The following STXBP6 variants were observed in gnomAD, a reference collection of about 807,000 sequenced individuals.
STXBP6 encodes the protein syntaxin binding protein 6.
In STXBP6, 21 loss-of-function variants were observed where a neutral mutation model predicts 26.9. That is an observed-to-expected ratio of 0.78 (90% confidence interval 0.55 to 1.12). The LOEUF (loss-of-function observed/expected upper bound fraction) is 1.12, where lower values mean the gene tolerates loss of function less well. STXBP6 is among the 50% of genes most tolerant of loss of function. The pLI is 0.00. For synonymous variants in STXBP6, 97 were observed against 92.6 expected (o/e 1.05, Z -0.27); for missense variants, 232 against 257.9 (o/e 0.90, Z 0.69).
At chr14:24,851,637 A>G (rs947456996) in intron 4 of STXBP6, among the ~76,000 whole-genome samples, 2 of 152,120 alleles carry the variant, frequency 1.3e-5, no homozygotes, top group Non-Finnish European at 2.9e-5. Context: ...TCACACGTAT[A>G]ACAGTATAAC....
chr14:24,857,293 T>A, intron 2 of STXBP6, 136 bp from the exon 3 acceptor site: 1 of 1,102,418 alleles, frequency 9.1e-7, no homozygotes, highest in Non-Finnish European at 1.3e-6. Context: ...AAGGAGGGAA[T>A]ATGAATAAAT....
intron 2 of STXBP6, among the ~76,000 whole-genome samples, chr14:24,869,335 A>C (rs1011193024): frequency 6.6e-6 from 1 of 152,218 alleles, no homozygotes; most frequent in Non-Finnish European, 1.5e-5. Context: ...TCTCATAAAG[A>C]AAGCCAGCAT....
At chr14:24,835,489 G>C (rs1486306712) in intron 4 of STXBP6, among the ~76,000 whole-genome samples, 1 of 152,150 alleles carries the variant, frequency 6.6e-6, no homozygotes, top group Admixed American at 6.5e-5. Context: ...ATGAGGGTGA[G>C]AGGGGTGGAA....
At chr14:24,987,793 T>C in intron 1 of STXBP6, 1 of 970,694 alleles carries the variant, frequency 1.0e-6, no homozygotes, top group South Asian at 4.8e-5. Context: ...CCAAGGGAGA[T>C]GCAGAGTGGT....
intron 1 of STXBP6, among the ~76,000 whole-genome samples, chr14:25,041,158 T>C (rs897198353): frequency 2.0e-5 from 3 of 151,814 alleles, no homozygotes; most frequent in African/African-American, 7.3e-5. Flanking sequence ...CAGTCTCTAC[T>C]AAAAATACAA....
chr14:25,021,159 C>T (rs2075255660), intron 1 of STXBP6, among the ~76,000 whole-genome samples: 1 of 152,174 alleles, frequency 6.6e-6, no homozygotes, highest in Non-Finnish European at 1.5e-5. Flanking sequence ...AGCAACTTCC[C>T]ACCATCAGAC....
intron 4 of STXBP6, among the ~76,000 whole-genome samples, chr14:24,846,606 G>A (rs1275696353): frequency 6.6e-6 from 1 of 152,112 alleles, no homozygotes; most frequent in Non-Finnish European, 1.5e-5. Flanking sequence ...GCTGAATAAT[G>A]GATAATTTTT....
chr14:24,885,929 G>C (rs1032022984), intron 2 of STXBP6, among the ~76,000 whole-genome samples: 1 of 152,128 alleles, frequency 6.6e-6, no homozygotes, highest in Non-Finnish European at 1.5e-5. Context: ...AAATAAATCT[G>C]GTTTGCCTTT....
In STXBP6 at chr14:24,819,046, A is replaced by G. The variant is rs1036738964; in HGVS notation, c.600T>C (p.Thr200=). 2.5e-6 allele frequency: 4 copies of G among 1,591,414 alleles called. No individual in the cohort carries two copies. The highest frequency in any genetic ancestry group is 3.4e-6 in the Non-Finnish European group (4 of 1,165,544). Residue 200 remains threonine (T), a synonymous_variant, in exon 5 of 6, where the codon ACT becomes ACC. Coordinates refer to ENST00000323944, the MANE Select transcript of STXBP6 (RefSeq NM_001394410.1). ...LKNSAQQFAE[T]AHKLAMKHKC is the part of the protein sequence containing the mutation. ...TCCTCTCTTGGCCCACCTTGTGCGC[A>G]GTTTCTGCAAACTGCTGGGCGCTGT...
At chr14:24,925,068 G>T (rs2139842507) in intron 2 of STXBP6, among the ~76,000 whole-genome samples, 1 of 152,286 alleles carries the variant, frequency 6.6e-6, no homozygotes, top group East Asian at 1.9e-4. Context: ...AAACTACTCA[G>T]TCACAAATGT....
At chr14:24,974,872 G>A (rs2140204015) in intron 1 of STXBP6, 22 bp from the exon 2 acceptor site, 1 of 1,481,796 alleles carries the variant, frequency 6.7e-7, no homozygotes. Flanking sequence ...GGAAAAGAAA[G>A]GAAAGTTGGA....
At chr14:24,883,783 A>G (rs533432364) in intron 2 of STXBP6, among the ~76,000 whole-genome samples, 1 of 152,262 alleles carries the variant, frequency 6.6e-6, no homozygotes, top group African/African-American at 2.4e-5. Context: ...GTTCTTCTAT[A>G]GTGTTTAATC....
rs1276596110 is a variant in STXBP6 at position 24,962,565 on chromosome 14, T to C, written c.154+12100A>G. On this transcript the variant is annotated intron_variant, in intron 2 of 5. Coordinates refer to ENST00000323944, the MANE Select transcript of STXBP6 (RefSeq NM_001394410.1). ...CTGGTCTCGGACTCCTGACCTCAAG[T>C]GATCCGCCCGCCTCAGCCTCCCAAA... Among the ~76,000 whole-genome samples, 4 of 152,172 alleles carry C rather than the reference T, an allele frequency of 2.6e-5. No individual in the cohort carries two copies. The East Asian group carries it at 7.7e-4, about 29-fold the overall frequency.
chr14:25,049,064 G>T lies in STXBP6; in HGVS notation c.-33+814C>A. The T allele has an allele frequency of 4.1e-6, 3 of 734,694 alleles. No homozygotes were observed. The highest frequency in any genetic ancestry group is 5.0e-6 in the Non-Finnish European group (3 of 600,644). The allele number at this position is 734,694 out of a possible 1,614,324, so 45.5% of individuals were successfully genotyped here. A position where few individuals can be genotyped will look rare whatever the true frequency, so the allele number is the denominator to read the frequency against. On this transcript the variant is annotated intron_variant, in intron 1 of 5. Transcript: ENST00000323944. The surrounding 1 kb of genome is among the most constrained non-coding windows in gnomAD (Gnocchi z 5.6). ...GAACCAAGGGCAGATACACCCCGGGGACTTTCTCCTAAAGAACAAGATGTC... is the reference window on the plus strand; with the variant it reads ...GAACCAAGGGCAGATACACCCCGGGTACTTTCTCCTAAAGAACAAGATGTC...
At chr14:24,814,773 A>C (rs1358595114) in intron 5 of STXBP6, among the ~76,000 whole-genome samples, 2 of 152,292 alleles carry the variant, frequency 1.3e-5, no homozygotes, top group South Asian at 2.1e-4. Context: ...AGGGCAGAGC[A>C]CTCATGAATG....
chr14:24,953,667 TTCTC>T (rs1478231050), intron 2 of STXBP6, among the ~76,000 whole-genome samples: 3 of 152,230 alleles, frequency 2.0e-5, no homozygotes, highest in African/African-American at 7.2e-5. Flanking sequence ...GCTGATTAAT[TTCTC>T]TCTCTCTAAA....
intron 2 of STXBP6, among the ~76,000 whole-genome samples, chr14:24,947,238 T>C (rs2073022782): frequency 6.6e-6 from 1 of 152,188 alleles, no homozygotes; most frequent in Non-Finnish European, 1.5e-5. Context: ...TTCAGTTTTC[T>C]GATTCTCTGG....
chr14:24,919,968 G>C (rs1005858794), intron 2 of STXBP6, among the ~76,000 whole-genome samples: 12 of 152,018 alleles, frequency 7.9e-5, no homozygotes, highest in Non-Finnish European at 1.6e-4. Flanking sequence ...CTCTTGCGAA[G>C]AATGTAAAGT....
At chr14:24,945,500 T>C (rs972185407) in intron 2 of STXBP6, among the ~76,000 whole-genome samples, 4 of 151,510 alleles carry the variant, frequency 2.6e-5, no homozygotes, top group Non-Finnish European at 4.4e-5. Flanking sequence ...AGCCCAGGAG[T>C]TTGAGGCTGG....
Sources: gnomAD v4.1 joint callset for allele counts (sites outside exome capture counted in the v4.1 genomes callset) on GRCh38, gnomAD v4.1.1 for gene constraint, Gnocchi (gnomAD v3.1) non-coding constraint, MANE v1.5 for transcripts, NCBI Gene and HGNC (gene_info 2026-07-23, HGNC 2026-07-21) for gene names.